The following IDE variants were observed in gnomAD, a reference collection of about 807,000 sequenced individuals.
IDE encodes insulin degrading enzyme, also known as insulin-degrading enzyme.
A neutral mutation model predicts 133.2 loss-of-function variants in IDE; 58 were observed. The ratio of observed to expected loss-of-function variants is 0.44; its 90% CI spans 0.35 to 0.54. The LOEUF (loss-of-function observed/expected upper bound fraction) is 0.54. Ranked by LOEUF, IDE falls within the 20% of genes least tolerant of loss-of-function variation. The pLI is 0.00. For synonymous variants in IDE, 396 were observed against 421.3 expected (o/e 0.94, Z 0.73); for missense variants, 981 against 1,234.0 (o/e 0.79, Z 3.07).
chr10:92,573,217 C>A (rs1475455759), intron 1 of IDE: 1 of 980,838 alleles, frequency 1.0e-6, no homozygotes, highest in South Asian at 4.7e-5. Context: ...TGGCAAAAAA[C>A]CTGTGTCCTA....
intron 1 of IDE, among the ~76,000 whole-genome samples, chr10:92,571,946 A>G (rs1843807396): frequency 6.6e-6 from 1 of 152,164 alleles, no homozygotes. Flanking sequence ...TTTCCTTCCT[A>G]AAACTATGCC....
chr10:92,495,928 G>A (rs557931153), intron 11 of IDE, among the ~76,000 whole-genome samples: 2 of 151,576 alleles, frequency 1.3e-5, no homozygotes, highest in Non-Finnish European at 2.9e-5. Flanking sequence ...AGGCTGGAGT[G>A]CAGTGGCATG....
In IDE at chr10:92,480,502, G is replaced by A. The variant is rs565880282; in HGVS notation, c.1740-1081C>T. The A allele has an allele frequency of 2.0e-5, 3 of 152,350 alleles. No homozygotes were observed. The East Asian group carries it at 5.8e-4, about 29-fold the overall frequency. The allele number at this position is 152,350 out of a possible 1,614,324, so 9.4% of individuals were successfully genotyped here. On this transcript the variant is annotated intron_variant, in intron 14 of 24. Transcript: ENST00000265986. The stretch of plus-strand genomic sequence containing the variant: ...ATGATGGGGTGATGGCAGCAGGGAA[G>A]AAAGACTGCTGCTTTACATAAGATG...
intron 4 of IDE, among the ~76,000 whole-genome samples, chr10:92,525,050 C>G (rs12358677): frequency 0.17 from 25,166 of 152,196 alleles, 2,455 homozygotes; most frequent in Middle Eastern, 0.21. Context: ...CACTTGAGAT[C>G]AGGAGTTCAA....
chr10:92,461,377 CAG>C (rs1246500030), intron 21 of IDE, 125 bp from the exon 22 acceptor site: 1 of 494,616 alleles, frequency 2.0e-6, no homozygotes, highest in African/African-American at 2.0e-5. Flanking sequence ...TTTTTTGAGA[CAG>C]AGTTTCACTC....
rs781153418 is a variant in IDE at position 92,508,719 on chromosome 10, G to A, written c.1060+9C>T. On this transcript the variant is annotated intron_variant, in intron 7 of 24. Coordinates refer to ENST00000265986, the MANE Select transcript of IDE (RefSeq NM_004969.4). Reference sequence around the variant, plus strand: ...TGGACACTCAGAAGATGCTGCCCAGGAGACTTACCCTTTGACTTAAGTTCT... The same window carrying A: ...TGGACACTCAGAAGATGCTGCCCAGAAGACTTACCCTTTGACTTAAGTTCT... 1 of 1,613,274 alleles carries A rather than the reference G, an allele frequency of 6.2e-7. No homozygotes were observed. The highest frequency in any genetic ancestry group is 8.5e-7 in the Non-Finnish European group (1 of 1,179,262).
intron 1 of IDE, chr10:92,572,912 C>T (rs1231334513): frequency 1.2e-5 from 12 of 985,258 alleles, no homozygotes; most frequent in Non-Finnish European, 2.4e-6. Flanking sequence ...CATCAACACA[C>T]CCTTGTAGCT....
rs370041836 is a variant in IDE, at chr10:92,487,241, A to G, written c.1611T>C (p.Ile537=). ...GTGTCGCCTCTTTTTCTAACGGTAA[A>G]ATCTCAAAATTCGTAGGAATAAATT... ...KNEFIPTNFE[I]LPLEKEATPY... The change falls in exon 13 of 25, where the codon ATT becomes ATC. Residue 537 remains isoleucine (I), a synonymous_variant. Transcript: ENST00000265986. 14 of 1,613,378 alleles carry G rather than the reference A, an allele frequency of 8.7e-6. No individual in the cohort carries two copies. Among genetic ancestry groups the G allele is most frequent in the Admixed American group, 1.7e-5 (1 of 59,946 alleles).
chr10:92,462,709 T>C (rs1186392887), intron 21 of IDE, among the ~76,000 whole-genome samples: 2 of 152,252 alleles, frequency 1.3e-5, no homozygotes, highest in Non-Finnish European at 2.9e-5. Context: ...TATGAGCTTT[T>C]GGATCTTGGC....
intron 1 of IDE, among the ~76,000 whole-genome samples, chr10:92,538,129 C>A (rs1035232130): frequency 6.6e-6 from 1 of 152,184 alleles, no homozygotes; most frequent in Non-Finnish European, 1.5e-5. Context: ...CCACCTCAGC[C>A]TCCCAATGTG....
intron 21 of IDE, among the ~76,000 whole-genome samples, chr10:92,463,305 T>C (rs997556033): frequency 5.9e-5 from 9 of 152,142 alleles, no homozygotes; most frequent in African/African-American, 1.9e-4. Flanking sequence ...TGAAAAATCT[T>C]TGGAGATCCC....
intron 18 of IDE, among the ~76,000 whole-genome samples, 167 bp from the exon 19 acceptor site, chr10:92,469,157 G>C (rs1317715641): frequency 6.6e-6 from 1 of 152,160 alleles, no homozygotes; most frequent in African/African-American, 2.4e-5. Context: ...TTTTGCAATA[G>C]AGTCAATATG....
chr10:92,471,577 C>T (rs893246094), intron 17 of IDE, among the ~76,000 whole-genome samples: 10 of 152,110 alleles, frequency 6.6e-5, no homozygotes, highest in African/African-American at 2.2e-4. Context: ...TAGGCTCCCT[C>T]GGCACTCTCT....
chr10:92,514,240 C>T (rs1848784498), intron 5 of IDE, among the ~76,000 whole-genome samples: 1 of 152,128 alleles, frequency 6.6e-6, no homozygotes, highest in African/African-American at 2.4e-5. Context: ...AAAAGCAACA[C>T]CATCGGCAGT....
intron 9 of IDE, 125 bp from the exon 10 acceptor site, chr10:92,506,647 G>GA (rs1411826554): frequency 1.1e-5 from 5 of 475,680 alleles, no homozygotes; most frequent in East Asian, 3.2e-5. Context: ...CACACTTTCT[G>GA]AAAAAATGGC....
At chr10:92,460,399 T>G (rs1384586887) in intron 22 of IDE, among the ~76,000 whole-genome samples, 1 of 152,146 alleles carries the variant, frequency 6.6e-6, no homozygotes, top group Admixed American at 6.6e-5. Context: ...CCAAACAAGC[T>G]CAGCAATATT....
intron 1 of IDE, among the ~76,000 whole-genome samples, chr10:92,573,537 C>T (rs1843892970): frequency 6.6e-6 from 1 of 152,250 alleles, no homozygotes; most frequent in Non-Finnish European, 1.5e-5. Context: ...GGCTCGAGTC[C>T]GCCTCAGGTT....
chr10:92,482,582 A>G (rs973135772), intron 14 of IDE, among the ~76,000 whole-genome samples: 1 of 152,132 alleles, frequency 6.6e-6, no homozygotes, highest in Non-Finnish European at 1.5e-5. Flanking sequence ...AAAGCAATAA[A>G]AACACCCCAA....
intron 21 of IDE, among the ~76,000 whole-genome samples, chr10:92,462,127 C>A (rs1421844223): frequency 1.3e-5 from 2 of 151,912 alleles, no homozygotes; most frequent in Non-Finnish European, 2.9e-5. Context: ...ACCAGCCTGG[C>A]CAACATGGTG....
Sources: gnomAD v4.1 joint callset for allele counts (sites outside exome capture counted in the v4.1 genomes callset) on GRCh38, gnomAD v4.1.1 for gene constraint, MANE v1.5 for transcripts, NCBI Gene and HGNC (gene_info 2026-07-23, HGNC 2026-07-21) for gene names.